EP300: variants seen among roughly 807,000 people sequenced by gnomAD.
EP300 encodes the protein histone acetyltransferase p300.
A neutral mutation model predicts 264.0 loss-of-function variants in EP300; 31 were observed. That is an observed-to-expected ratio of 0.12 (90% CI 0.09 to 0.16). The LOEUF is 0.16. Among genes scored for constraint, EP300 ranks in the 10% least tolerant of loss-of-function variants. The pLI, the probability that EP300 is intolerant of heterozygous loss-of-function variation, is 1.00. For synonymous variants in EP300, 1,340 were observed against 1,045.4 expected (o/e 1.28, Z -5.44); for missense variants, 2,766 against 3,052.9 (o/e 0.91, Z 2.21).
In EP300 at chr22:41,119,175, A is replaced by ATT. The variant is rs1159365617; in HGVS notation, c.729+1379_729+1380dup. On this transcript the variant is annotated intron_variant, in intron 2 of 30. Coordinates refer to ENST00000263253, the MANE Select transcript of EP300 (RefSeq NM_001429.4). The stretch of plus-strand genomic sequence containing the variant: ...ATACCACCATGCCTGGCTTATTATT[A>ATT]TTTTTTTTTTTTTTTTTTTTTTTTT... Among the ~76,000 whole-genome samples, 676 of 112,924 alleles carry ATT rather than the reference A, an allele frequency of 6.0e-3. 20 individuals carry two copies. The highest frequency in any genetic ancestry group is 9.6e-3 in the South Asian group (35 of 3,628). 74.1% of individuals were successfully genotyped at this position (112,924 alleles called of 152,430 possible).
At position 41,097,186 on chromosome 22, in the gene EP300, C is replaced by T. The variant is rs564851460; in HGVS notation, c.94+4088C>T. Among the ~76,000 whole-genome samples, 58 of 152,262 alleles carry T rather than the reference C, an allele frequency of 3.8e-4. 3 individuals carry two copies. In the South Asian group the frequency reaches 0.012, roughly 31 times the overall value. On this transcript the variant is annotated intron_variant, in intron 1 of 30. Coordinates refer to ENST00000263253, the MANE Select transcript of EP300 (RefSeq NM_001429.4). ...TTTTTCTGGCAATTATTCTCAAGGC[C>T]TTGTAAGTTCATTTATAGGACTTCA...
chr22:41,177,854 A>C lies in EP300; in HGVS notation c.6143A>C (p.Gln2048Pro). Residue 2048 changes from glutamine (Q) to proline (P), a missense_variant, in exon 31 of 31, where the codon CAA becomes CCA. Coordinates refer to ENST00000263253, the MANE Select transcript of EP300 (RefSeq NM_001429.4). Reference sequence around the variant, plus strand: ...CCACTCAAACCAGGCACTGTGTCTCAACAAGCCTTACAAAACCTTTTGCGG... The same window carrying C: ...CCACTCAAACCAGGCACTGTGTCTCCACAAGCCTTACAAAACCTTTTGCGG... ...ISPLKPGTVS[Q>P]QALQNLLRTL... is the part of the protein sequence containing the mutation. 6.2e-7 allele frequency: 1 copy of C among 1,614,104 alleles called. No individual in the cohort carries two copies. The highest frequency in any genetic ancestry group is 1.1e-5 in the South Asian group (1 of 91,080).
chr22:41,142,699 C>G (rs2058989761), intron 10 of EP300, among the ~76,000 whole-genome samples: 1 of 152,062 alleles, frequency 6.6e-6, no homozygotes, highest in Non-Finnish European at 1.5e-5. Flanking sequence ...TCCTGGCTAA[C>G]ACGGTGAAAC....
At chr22:41,123,408 G>A (rs976502548) in intron 2 of EP300, among the ~76,000 whole-genome samples, 4 of 152,158 alleles carry the variant, frequency 2.6e-5, no homozygotes, top group African/African-American at 9.7e-5. Flanking sequence ...TTTGGTATAC[G>A]TACTGTGGGG....
intron 10 of EP300, among the ~76,000 whole-genome samples, chr22:41,146,139 A>C (rs1394779076): frequency 1.3e-5 from 2 of 151,220 alleles, no homozygotes; most frequent in African/African-American, 4.9e-5. Context: ...TTAAACAATA[A>C]CATATTAAAT....
intron 1 of EP300, among the ~76,000 whole-genome samples, chr22:41,094,734 T>G (rs991164061): frequency 6.6e-6 from 1 of 152,170 alleles, no homozygotes; most frequent in Non-Finnish European, 1.5e-5. Context: ...ATGTGGTAGT[T>G]TTTGCTTTTT....
chr22:41,176,578 T>G, intron 30 of EP300, 50 bp downstream of exon 30: 15 of 1,611,838 alleles, frequency 9.3e-6, no homozygotes, highest in Non-Finnish European at 1.3e-5. Context: ...AGGGTTGTTC[T>G]GAGGGGCCAT....
intron 20 of EP300, 126 bp downstream of exon 20, chr22:41,160,848 T>A: frequency 1.2e-6 from 1 of 827,124 alleles, no homozygotes; most frequent in Non-Finnish European, 2.0e-6. Context: ...ATGTTGCTAT[T>A]TAAATGCATA....
chr22:41,124,344 G>T (rs940755321), intron 2 of EP300, among the ~76,000 whole-genome samples: 3 of 152,202 alleles, frequency 2.0e-5, no homozygotes, highest in Non-Finnish European at 2.9e-5. Context: ...GTTTAAAACA[G>T]CAAGGAATAG....
chr22:41,123,015 AAC>A (rs1410051119), intron 2 of EP300, among the ~76,000 whole-genome samples: 6 of 152,204 alleles, frequency 3.9e-5, no homozygotes, highest in African/African-American at 1.4e-4. Context: ...CAACCTAGGC[AAC>A]AGAGTGAGAC....
intron 3 of EP300, 110 bp from the exon 4 acceptor site, chr22:41,127,377 C>A: frequency 1.4e-6 from 2 of 1,446,196 alleles, no homozygotes; most frequent in Non-Finnish European, 1.9e-6. Context: ...TGGAGTCTGG[C>A]TTATAGTAGA....
rs1029166382 is a variant in EP300 at position 41,149,918 on chromosome 22, C to T, written c.2537C>T (p.Pro846Leu). 1.2e-6 allele frequency: 2 copies of T among 1,613,786 alleles called. No homozygotes were observed. Among genetic ancestry groups the T allele is most frequent in the Admixed American group, 3.3e-5 (2 of 59,962 alleles). ...PSRTPTPHHT[P>L]PSIGAQQPPA... ...CGTACCCCCACCCCTCACCATACTCCCCCAAGCATAGGGGCTCAGCAGCCA... is the reference window on the plus strand; with the variant it reads ...CGTACCCCCACCCCTCACCATACTCTCCCAAGCATAGGGGCTCAGCAGCCA... The change falls in exon 14 of 31, where the codon CCC becomes CTC. Residue 846 changes from proline to leucine, a missense_variant. Pro to Leu is a moderately conservative substitution (Grantham distance 98, BLOSUM62 -3). Transcript: ENST00000263253.
chr22:41,096,985 C>G (rs1165313911), intron 1 of EP300, among the ~76,000 whole-genome samples: 1 of 152,140 alleles, frequency 6.6e-6, no homozygotes, highest in Non-Finnish European at 1.5e-5. Context: ...ACATTTTGAT[C>G]AAGACCATTT....
intron 1 of EP300, among the ~76,000 whole-genome samples, chr22:41,112,373 G>GTTTT (rs1158527516): frequency 6.7e-6 from 1 of 150,084 alleles, no homozygotes; most frequent in Admixed American, 6.7e-5. Flanking sequence ...GTTTTGTTTT[G>GTTTT]TTTTTAGTAG....
intron 19 of EP300, chr22:41,160,439 A>C (rs999309588): frequency 3.7e-6 from 2 of 542,348 alleles, no homozygotes; most frequent in Admixed American, 3.3e-5. Flanking sequence ...AACAAAAAAA[A>C]ACAAAAAAAC....
At chr22:41,100,430 G>A (rs961374587) in intron 1 of EP300, among the ~76,000 whole-genome samples, 2 of 152,088 alleles carry the variant, frequency 1.3e-5, no homozygotes, top group Non-Finnish European at 2.9e-5. Flanking sequence ...CTATCCAAAT[G>A]TTGTTTTCTA....
chr22:41,117,522 A>C lies in EP300; in HGVS notation c.430A>C (p.Asn144His). The change falls in exon 2 of 31, where the codon AAT becomes CAT. Residue 144 changes from asparagine to histidine, a missense_variant. Physicochemically the swap from Asn to His is moderately conservative, Grantham distance 68. Coordinates refer to ENST00000263253, the MANE Select transcript of EP300 (RefSeq NM_001429.4). ...CATGGGGATGGGCACTAGTGGACCA[A>C]ATCAGGGTCCTACGCAGTCAACAGG... ...PNMGMGTSGP[N>H]QGPTQSTGMM... 7 of 1,614,072 alleles carry C rather than the reference A, an allele frequency of 4.3e-6. No homozygotes were observed. The highest frequency in any genetic ancestry group is 5.1e-6 in the Non-Finnish European group (6 of 1,179,900).
At chr22:41,106,753 G>A (rs1346170214) in intron 1 of EP300, among the ~76,000 whole-genome samples, 1 of 96,296 alleles carries the variant, frequency 1.0e-5, no homozygotes, top group Admixed American at 1.2e-4. Context: ...GCACCACCAT[G>A]CCTGGCTAAT....
chr22:41,098,173 A>G (rs2058712333), intron 1 of EP300, among the ~76,000 whole-genome samples: 1 of 152,198 alleles, frequency 6.6e-6, no homozygotes, highest in African/African-American at 2.4e-5. Flanking sequence ...ATTTTTTAAC[A>G]TTGAACTTCG....
Sources: gnomAD v4.1 joint callset for allele counts (sites outside exome capture counted in the v4.1 genomes callset) on GRCh38, gnomAD v4.1.1 for gene constraint, MANE v1.5 for transcripts, NCBI Gene and HGNC (gene_info 2026-07-23, HGNC 2026-07-21) for gene names.